MAP4K3: variants seen among roughly 807,000 people sequenced by gnomAD.
MAP4K3 encodes the protein MAPK/ERK kinase kinase kinase 3.
In MAP4K3, 94 loss-of-function variants were observed where a neutral mutation model predicts 143.5. That is an observed-to-expected ratio of 0.65 (90% CI 0.55 to 0.78). MAP4K3 has a LOEUF of 0.78. Ranked by LOEUF, MAP4K3 falls within the 30% of genes least tolerant of loss-of-function variation. The probability of loss-of-function intolerance (pLI) is 0.00; values close to 1 mark genes in which losing one functional copy is unlikely to be tolerated. For synonymous variants in MAP4K3, 416 were observed against 347.2 expected (o/e 1.20, Z -2.20); for missense variants, 1,077 against 1,068.1 (o/e 1.01, Z -0.12).
At chr2:39,411,337 G>A (rs1056702690) in intron 1 of MAP4K3, among the ~76,000 whole-genome samples, 1 of 152,038 alleles carries the variant, frequency 6.6e-6, no homozygotes, top group Non-Finnish European at 1.5e-5. Flanking sequence ...AGAAAGTTGT[G>A]GTACATATTC....
At chr2:39,375,296 G>GTT (rs1038957812) in intron 2 of MAP4K3, among the ~76,000 whole-genome samples, 7 of 151,940 alleles carry the variant, frequency 4.6e-5, no homozygotes, top group African/African-American at 1.5e-4. Flanking sequence ...AAATGTGAGC[G>GTT]TAACACCACT....
rs201809154 is a variant in MAP4K3 at position 39,326,150 on chromosome 2, T to C, written c.658A>G (p.Met220Val). 4.3e-5 allele frequency: 70 copies of C among 1,613,250 alleles called. No homozygotes were observed. The highest frequency in any genetic ancestry group is 5.0e-5 in the Admixed American group (3 of 59,886). ...LQPPMFDLHP[M>V]RALFLMTKSN... is the part of the protein sequence containing the mutation. Reference sequence around the variant, plus strand: ...CTTCAATGATGATGCACTGACCTCATTGGGTGTAAGTCAAACATAGGAGGC... The same window carrying C: ...CTTCAATGATGATGCACTGACCTCACTGGGTGTAAGTCAAACATAGGAGGC... The change falls in exon 9 of 34, where the codon ATG becomes GTG. Residue 220 changes from methionine (M) to valine (V), a missense_variant. Physicochemically the swap from Met to Val is conservative, Grantham distance 21. Transcript: ENST00000263881.
intron 18 of MAP4K3, among the ~76,000 whole-genome samples, chr2:39,291,121 A>G (rs1180895569): frequency 6.6e-6 from 1 of 152,168 alleles, no homozygotes; most frequent in Non-Finnish European, 1.5e-5. Context: ...AAATAGTTAG[A>G]AGGAGGATAT....
intron 26 of MAP4K3, among the ~76,000 whole-genome samples, chr2:39,271,441 A>G (rs1681019852): frequency 6.6e-6 from 1 of 152,258 alleles, no homozygotes; most frequent in Non-Finnish European, 1.5e-5. Flanking sequence ...GGCATATTAT[A>G]AAGTTTTTGT....
At chr2:39,418,278 T>A (rs570915481) in intron 1 of MAP4K3, among the ~76,000 whole-genome samples, 1 of 150,506 alleles carries the variant, frequency 6.6e-6, no homozygotes, top group East Asian at 1.9e-4. Context: ...TCCCAATGGC[T>A]AAGTTGGAGC....
At chr2:39,262,081 G>T (rs1680590934) in intron 28 of MAP4K3, among the ~76,000 whole-genome samples, 1 of 151,904 alleles carries the variant, frequency 6.6e-6, no homozygotes, top group South Asian at 2.1e-4. Context: ...TTTATAAACT[G>T]GCTGTGTTTT....
Position 39,272,420 on chromosome 2 carries a change from T to A in MAP4K3, c.1856-20A>T, listed in dbSNP as rs965485694. The A allele has an allele frequency of 1.4e-5, 22 of 1,602,980 alleles. No individual in the cohort carries two copies. The African/African-American group carries it at 2.1e-4, about 16-fold the overall frequency. On this transcript the variant is annotated intron_variant, in intron 25 of 33. Coordinates refer to ENST00000263881, the MANE Select transcript of MAP4K3 (RefSeq NM_003618.4). ...CTTTACCTATAAAGAAAAACAGATA[T>A]GACATAAAAGCTAATAATAAATAGT...
intron 19 of MAP4K3, 37 bp downstream of exon 19, chr2:39,290,255 A>G (rs753489149): frequency 1.3e-6 from 2 of 1,522,484 alleles, no homozygotes; most frequent in Admixed American, 3.9e-5. Flanking sequence ...CAGAACAATA[A>G]CACACATATA....
intron 2 of MAP4K3, among the ~76,000 whole-genome samples, chr2:39,371,967 G>A (rs1473366206): frequency 2.0e-5 from 3 of 150,386 alleles, no homozygotes; most frequent in South Asian, 2.1e-4. Context: ...AGAAATAAAC[G>A]AGCATCCAAA....
intron 24 of MAP4K3, among the ~76,000 whole-genome samples, chr2:39,274,288 C>T (rs1206134061): frequency 1.3e-5 from 2 of 151,450 alleles, no homozygotes; most frequent in East Asian, 3.9e-4. Flanking sequence ...GCGATCTCCG[C>T]TCACTGCAAG....
At chr2:39,408,267 T>C (rs1466209418) in intron 1 of MAP4K3, among the ~76,000 whole-genome samples, 1 of 152,174 alleles carries the variant, frequency 6.6e-6, no homozygotes, top group Non-Finnish European at 1.5e-5. Flanking sequence ...TATTAGACAA[T>C]GCCCCTGGCC....
At chr2:39,430,664 T>C (rs1213271380) in intron 1 of MAP4K3, among the ~76,000 whole-genome samples, 1 of 152,242 alleles carries the variant, frequency 6.6e-6, no homozygotes, top group Non-Finnish European at 1.5e-5. Context: ...TGTGATAGCC[T>C]ACTGCTGTAT....
chr2:39,319,171 T>A (rs539286880), intron 12 of MAP4K3, among the ~76,000 whole-genome samples: 6 of 152,186 alleles, frequency 3.9e-5, no homozygotes, highest in African/African-American at 1.4e-4. Context: ...TTCTGAATGC[T>A]GTCAAATTTA....
At chr2:39,305,502 G>C (rs570348873) in intron 15 of MAP4K3, among the ~76,000 whole-genome samples, 7 of 152,160 alleles carry the variant, frequency 4.6e-5, no homozygotes, top group Non-Finnish European at 1.0e-4. Flanking sequence ...AAAGTGCTTA[G>C]AATAATGCCT....
chr2:39,406,180 T>G (rs1667087055), intron 1 of MAP4K3, among the ~76,000 whole-genome samples: 1 of 151,676 alleles, frequency 6.6e-6, no homozygotes, highest in Admixed American at 6.6e-5. Flanking sequence ...ACACGCTATT[T>G]GAAAACAGAG....
At chr2:39,344,483 TG>T (rs1665229139) in intron 3 of MAP4K3, among the ~76,000 whole-genome samples, 1 of 152,244 alleles carries the variant, frequency 6.6e-6, no homozygotes, top group Admixed American at 6.5e-5. Context: ...ATAGTTTCAT[TG>T]GAACACAGTC....
At chr2:39,271,199 T>C (rs1337686449) in intron 26 of MAP4K3, among the ~76,000 whole-genome samples, 1 of 152,182 alleles carries the variant, frequency 6.6e-6, no homozygotes, top group Admixed American at 6.5e-5. Context: ...GGTAAAATCA[T>C]ACCATATGGA....
intron 2 of MAP4K3, among the ~76,000 whole-genome samples, chr2:39,363,689 A>AAG (rs1665835211): frequency 6.6e-6 from 1 of 150,820 alleles, no homozygotes; most frequent in Non-Finnish European, 1.5e-5. Flanking sequence ...AAAAAAAAAA[A>AAG]GAGCTATGGT....
intron 15 of MAP4K3, chr2:39,302,971 A>C (rs953549087): frequency 6.0e-6 from 1 of 166,676 alleles, no homozygotes; most frequent in African/African-American, 2.4e-5. Context: ...ACTGAAAATG[A>C]ACAAAGGATG....
Sources: allele counts gnomAD v4.1 joint callset (sites outside exome capture counted in the v4.1 genomes callset), GRCh38; gene constraint gnomAD v4.1.1; transcripts MANE v1.5; gene names NCBI Gene and HGNC (gene_info 2026-07-23, HGNC 2026-07-21).